Variants in PHF2 observed in about 807,000 individuals in gnomAD.
The protein encoded by PHF2 is lysine-specific demethylase PHF2.
In PHF2, 27 loss-of-function variants were observed where a neutral mutation model predicts 120.5. The observed-to-expected ratio is 0.22, with a 90% CI of 0.17 to 0.31. The LOEUF (loss-of-function observed/expected upper bound fraction) is 0.31. Among genes scored for constraint, PHF2 ranks in the 10% least tolerant of loss-of-function variants. PHF2 has a pLI of 1.00. For synonymous variants in PHF2, 568 were observed against 592.5 expected, an observed-to-expected ratio of 0.96 and a Z score of 0.60; for missense variants, 1,024 against 1,434.8, an observed-to-expected ratio of 0.71 and a Z score of 4.63.
At chr9:93,673,459 G>A (rs928703544) in intron 17 of PHF2, 126 bp from the exon 18 acceptor site, 16 of 768,054 alleles carry the variant, frequency 2.1e-5, no homozygotes, top group Non-Finnish European at 2.9e-5. Flanking sequence ...TCTGCTCCAC[G>A]CCCTCTGCCT....
At chr9:93,650,944 T>C (rs1021250723) in intron 5 of PHF2, among the ~76,000 whole-genome samples, 5 of 152,060 alleles carry the variant, frequency 3.3e-5, no homozygotes, top group Non-Finnish European at 7.4e-5. Flanking sequence ...TACAAAACTA[T>C]GCCAAGAGCC....
chr9:93,662,214 G>A (rs1826583037), intron 12 of PHF2, among the ~76,000 whole-genome samples: 1 of 151,754 alleles, frequency 6.6e-6, no homozygotes, highest in African/African-American at 2.4e-5. Flanking sequence ...TGGATGGATA[G>A]ATGAACAAAT....
intron 3 of PHF2, among the ~76,000 whole-genome samples, chr9:93,643,873 C>A (rs1347799203): frequency 6.6e-6 from 1 of 152,166 alleles, no homozygotes. Flanking sequence ...CAACAGTCTC[C>A]TGGCCGTCCA....
rs12002044 is a variant in PHF2 at position 93,627,579 on chromosome 9, C to T, written c.99-2391C>T. 4.0e-5 allele frequency among the ~76,000 whole-genome samples: 6 copies of T among 149,566 alleles called. No homozygotes were observed. In the East Asian group the frequency reaches 1.2e-3, roughly 30 times the overall value. Reference sequence around the variant, plus strand: ...GTGGCAACAATAGGCATCCTATTTTCCTCCTCATCTTATGGGAAAAGCTTT... The same window carrying T: ...GTGGCAACAATAGGCATCCTATTTTTCTCCTCATCTTATGGGAAAAGCTTT... On this transcript the variant is annotated intron_variant, in intron 1 of 21. Coordinates refer to ENST00000359246, the MANE Select transcript of PHF2 (RefSeq NM_005392.4).
chr9:93,655,941 C>T lies in PHF2; in HGVS notation c.960C>T (p.Ile320=). Reference sequence around the variant, plus strand: ...CTCCTGTCTCTCTCCCAGGCTGGATCTACGCCACACTCACCCCTGTGGACT... The same window carrying T: ...CTCCTGTCTCTCTCCCAGGCTGGATTTACGCCACACTCACCCCTGTGGACT... ...GQTLFIPSGW[I]YATLTPVDCL... The change falls in exon 8 of 22, where the codon ATC becomes ATT. Residue 320 remains isoleucine (I), a synonymous_variant. Transcript: ENST00000359246. 1 of 1,611,616 alleles carries T rather than the reference C, an allele frequency of 6.2e-7. No homozygotes were observed. The highest frequency in any genetic ancestry group is 8.5e-7 in the Non-Finnish European group (1 of 1,179,214).
intron 1 of PHF2, among the ~76,000 whole-genome samples, chr9:93,596,541 A>G (rs542850140): frequency 6.6e-6 from 1 of 152,016 alleles, no homozygotes; most frequent in Admixed American, 6.6e-5. Context: ...CCTTCAGAGG[A>G]CTGGGAGTCG....
chr9:93,596,340 T>G (rs1009673630), intron 1 of PHF2, among the ~76,000 whole-genome samples: 2 of 152,102 alleles, frequency 1.3e-5, no homozygotes, highest in Non-Finnish European at 2.9e-5. Flanking sequence ...TAGCCCAAAT[T>G]CAGCACCAGG....
At chr9:93,602,133 C>T (rs1351052338) in intron 1 of PHF2, among the ~76,000 whole-genome samples, 3 of 151,936 alleles carry the variant, frequency 2.0e-5, no homozygotes, top group African/African-American at 4.8e-5. Flanking sequence ...TTCCAGTTCA[C>T]GAGTTCTCTG....
At chr9:93,627,492 A>ATTTTTTTTTTTTTTTTTTTT (rs55647503) in intron 1 of PHF2, among the ~76,000 whole-genome samples, 2,422 of 107,630 alleles carry the variant, frequency 0.023, 178 homozygotes, top group Non-Finnish European at 0.032. Context: ...TTATTTCAGG[A>ATTTTTTTTTTTTTTTTTTTT]TTTTTTTTTT....
At chr9:93,625,339 C>T (rs1379965839) in intron 1 of PHF2, among the ~76,000 whole-genome samples, 1 of 152,100 alleles carries the variant, frequency 6.6e-6, no homozygotes, top group Non-Finnish European at 1.5e-5. Context: ...GAATAATATT[C>T]CATTGTATAT....
In PHF2 at chr9:93,673,903, C is replaced by A. The variant is rs190945254; in HGVS notation, c.2626+41C>A. ...GCGTGGGGCAGGGCCCATGCTCAGC[C>A]CTAGAAGGCCTGGCTGAGAATGGAG... On this transcript the variant is annotated intron_variant, in intron 18 of 21. Coordinates refer to ENST00000359246, the MANE Select transcript of PHF2 (RefSeq NM_005392.4). 3,855 of 1,516,028 alleles carry A rather than the reference C, an allele frequency of 2.5e-3. 19 individuals carry two copies. The highest frequency in any genetic ancestry group is 3.0e-3 in the Non-Finnish European group (3,339 of 1,124,266). The allele number at this position is 1,516,028 out of a possible 1,614,324, so 93.9% of individuals were successfully genotyped here.
Position 93,636,484 on chromosome 9 carries a change from C to T in PHF2, c.258C>T (p.Ser86=), listed in dbSNP as rs1177113859. 2 of 1,606,508 alleles carry T rather than the reference C, an allele frequency of 1.2e-6. No individual in the cohort carries two copies. The highest frequency in any genetic ancestry group is 1.7e-4 in the Middle Eastern group (1 of 6,032). ...APDVKPVQNG[S]QLFIKELRSR... is the part of the protein sequence containing the mutation. ...ACGTCAAGCCCGTGCAGAATGGCAG[C>T]CAGCTCTTCATCAAGGAGCTGCGGA... is the stretch of plus-strand genomic sequence containing the variant. The change falls in exon 3 of 22, where the codon AGC becomes AGT. Residue 86 remains serine, a synonymous_variant. Coordinates refer to ENST00000359246, the MANE Select transcript of PHF2 (RefSeq NM_005392.4).
chr9:93,665,203 C>T (rs1826652410), intron 14 of PHF2, among the ~76,000 whole-genome samples: 1 of 152,230 alleles, frequency 6.6e-6, no homozygotes. Context: ...AGAAAAAAAC[C>T]AGGAAACTTG....
intron 1 of PHF2, among the ~76,000 whole-genome samples, chr9:93,611,866 A>G (rs568927553): frequency 5.1e-4 from 78 of 152,346 alleles, no homozygotes; most frequent in African/African-American, 1.8e-3. Context: ...ATATATACAT[A>G]GGAAAATATT....
intron 2 of PHF2, among the ~76,000 whole-genome samples, chr9:93,635,049 C>CA (rs1210208092): frequency 1.3e-5 from 2 of 152,228 alleles, no homozygotes; most frequent in Non-Finnish European, 2.9e-5. Context: ...TTGGCCAAAA[C>CA]AGATTTGAAC....
At chr9:93,577,592 T>G (rs1363283760) in intron 1 of PHF2, among the ~76,000 whole-genome samples, 3 of 152,178 alleles carry the variant, frequency 2.0e-5, no homozygotes, top group Admixed American at 1.3e-4. Flanking sequence ...TAAGGGGGGT[T>G]TGTTGTGGCT....
intron 1 of PHF2, chr9:93,594,863 A>C (rs528370501): frequency 5.9e-5 from 9 of 153,520 alleles, no homozygotes; most frequent in African/African-American, 1.9e-4. Context: ...GGTTTTTGCT[A>C]TTGGTTTTAA....
intron 2 of PHF2, among the ~76,000 whole-genome samples, chr9:93,632,685 C>G (rs1826020971): frequency 6.6e-6 from 1 of 152,152 alleles, no homozygotes; most frequent in African/African-American, 2.4e-5. Context: ...AAGGCCCCAC[C>G]TCATAAAATC....
chr9:93,649,502 G>A (rs1826324258), intron 5 of PHF2, among the ~76,000 whole-genome samples: 1 of 150,470 alleles, frequency 6.6e-6, no homozygotes, highest in Non-Finnish European at 1.5e-5. Context: ...AGCCTCCTCT[G>A]GTCTTGGCCC....
Sources: allele counts gnomAD v4.1 joint callset (sites outside exome capture counted in the v4.1 genomes callset), GRCh38; gene constraint gnomAD v4.1.1; transcripts MANE v1.5; gene names NCBI Gene and HGNC (gene_info 2026-07-23, HGNC 2026-07-21).